The following ZNF469 variants were observed in gnomAD, a reference collection of about 807,000 sequenced individuals.
ZNF469 encodes zinc finger protein 469.
ZNF469 carries 1 observed loss-of-function variant against 1.0 expected under a neutral mutation model. The ratio of observed to expected loss-of-function variants is 1.00; its 90% CI spans 0.35 to 4.73. The LOEUF (loss-of-function observed/expected upper bound fraction) is 4.73. Among genes scored for constraint, ZNF469 ranks in the 30% most tolerant of loss-of-function variants. ZNF469 has a pLI of 0.16. For synonymous variants in ZNF469, 2,703 were observed against 2,363.4 expected (o/e 1.14, Z -4.17); for missense variants, 6,100 against 5,356.3 (o/e 1.14, Z -4.33).
chr16:88,294,456 C>G, the ZNF469 span, among the ~76,000 whole-genome samples: 2 of 152,234 alleles, frequency 1.3e-5, no homozygotes, highest in Admixed American at 1.3e-4. Flanking sequence ...TGTTCAAATC[C>G]ACATGGCACT....
the ZNF469 span, chr16:88,191,679 A>C: frequency 6.6e-6 from 1 of 151,300 alleles, no homozygotes. Context: ...TCCTTCCTTC[A>C]TTCATTCCTG....
chr16:88,387,528 G>T (rs1220944817), intron 1 of ZNF469, among the ~76,000 whole-genome samples: 1 of 152,240 alleles, frequency 6.6e-6, no homozygotes, highest in African/African-American at 2.4e-5. Context: ...ACAACGCTGG[G>T]GGCGGCTTGG....
At chr16:88,114,298 C>T in the ZNF469 span, among the ~76,000 whole-genome samples, 7 of 131,024 alleles carry the variant, frequency 5.3e-5, no homozygotes, top group East Asian at 2.2e-4. Flanking sequence ...TCACTCACTG[C>T]GGGGGTCTTC....
At chr16:88,193,506 C>T in the ZNF469 span, 1 of 152,142 alleles carries the variant, frequency 6.6e-6, no homozygotes, top group Admixed American at 6.5e-5. Context: ...CGAGATTAGC[C>T]TGGGCACTAC....
At chr16:88,239,108 G>A in the ZNF469 span, among the ~76,000 whole-genome samples, 1 of 152,178 alleles carries the variant, frequency 6.6e-6, no homozygotes, top group South Asian at 2.1e-4. Flanking sequence ...TGGAGTCTGG[G>A]TCTAGCTCTG....
the ZNF469 span, among the ~76,000 whole-genome samples, chr16:88,188,352 T>C: frequency 6.6e-6 from 1 of 152,158 alleles, no homozygotes; most frequent in African/African-American, 2.4e-5. Flanking sequence ...GCTGTCTCCT[T>C]AGTGTCTGTG....
the ZNF469 span, among the ~76,000 whole-genome samples, chr16:88,303,836 T>A: frequency 6.6e-6 from 1 of 152,202 alleles, no homozygotes; most frequent in East Asian, 1.9e-4. Context: ...CAGGAGGTTG[T>A]GCAGATTGAA....
At chr16:88,244,695 GGATA>G in the ZNF469 span, among the ~76,000 whole-genome samples, 1 of 118,290 alleles carries the variant, frequency 8.5e-6, no homozygotes, top group South Asian at 3.0e-4. Flanking sequence ...GTTTATGGAT[GGATA>G]GATGAATTGA....
At chr16:88,223,989 C>T in the ZNF469 span, among the ~76,000 whole-genome samples, 2 of 152,196 alleles carry the variant, frequency 1.3e-5, no homozygotes, top group East Asian at 1.9e-4. Context: ...ATTAGTTTTC[C>T]ATTCGCCCAG....
the ZNF469 span, among the ~76,000 whole-genome samples, chr16:88,187,763 T>C: frequency 6.7e-6 from 1 of 148,210 alleles, no homozygotes; most frequent in East Asian, 2.0e-4. Flanking sequence ...CCAGACAGAA[T>C]GCTGTATTAA....
At chr16:88,208,162 A>C in the ZNF469 span, among the ~76,000 whole-genome samples, 1 of 151,452 alleles carries the variant, frequency 6.6e-6, no homozygotes, top group East Asian at 2.0e-4. Context: ...TGATGCCCAC[A>C]TTGTCCCGGG....
chr16:88,358,724 A>AT, the ZNF469 span, among the ~76,000 whole-genome samples: 1 of 151,500 alleles, frequency 6.6e-6, no homozygotes, highest in South Asian at 2.1e-4. Flanking sequence ...TTTTTTTTTA[A>AT]TTTTTATTTT....
At chr16:88,384,374 C>T (rs2092532701) in intron 1 of ZNF469, among the ~76,000 whole-genome samples, 1 of 152,206 alleles carries the variant, frequency 6.6e-6, no homozygotes, top group Non-Finnish European at 1.5e-5. Context: ...CAGCACAGCC[C>T]ACAGCCCTGC....
At position 88,436,948 on chromosome 16, in the gene ZNF469, C is replaced by T. The variant is rs1454074090; in HGVS notation, c.9478C>T (p.Arg3160Trp). 10 of 1,494,108 alleles carry T rather than the reference C, an allele frequency of 6.7e-6. No individual in the cohort carries two copies. The East Asian group carries it at 9.9e-5, about 15-fold the overall frequency. The allele number at this position is 1,494,108 out of a possible 1,614,324, so 92.6% of individuals were successfully genotyped here. A position where few individuals can be genotyped will look rare whatever the true frequency, so the allele number is the denominator to read the frequency against. ...ERRFGSRELL[R>W]GHLQERHAQS... ...CAGGTTTGGCTCGCGGGAGCTGCTG[C>T]GGGGGCACCTGCAGGAGAGGCACGC... is the stretch of plus-strand genomic sequence containing the variant. Residue 3160 changes from arginine (R) to tryptophan (W), a missense_variant, in exon 3 of 3, where the codon CGG becomes TGG. By Grantham distance (101) the Arg-to-Trp change is moderately radical. Transcript: ENST00000565624.
chr16:88,340,205 T>G, the ZNF469 span, among the ~76,000 whole-genome samples: 34,091 of 151,900 alleles, frequency 0.22, 4,891 homozygotes, highest in African/African-American at 0.41. Flanking sequence ...CACGGCAGCT[T>G]AAGGAGTTCA....
At position 88,436,104 on chromosome 16, in the gene ZNF469, C is replaced by T. The variant is rs1490946099; in HGVS notation, c.8634C>T (p.Tyr2878=). The T allele has an allele frequency of 9.0e-6, 14 of 1,549,030 alleles. No homozygotes were observed. Among genetic ancestry groups the T allele is most frequent in the South Asian group, 1.2e-5 (1 of 84,066 alleles). The change falls in exon 3 of 3, where the codon TAC becomes TAT. Residue 2878 remains tyrosine, a synonymous_variant. Transcript: ENST00000565624. ...CTAGAAAGAGGAACCCGCATGTCTA[C>T]GGGAAGCGCTGTGAGAAGCCGGTGC... The part of the protein sequence containing the change: ...RLTRKRNPHV[Y]GKRCEKPVLP...
chr16:88,380,355 G>GCACTCACACAGACACGCC (rs2092518113), upstream of ZNF469, among the ~76,000 whole-genome samples: 6 of 61,540 alleles, frequency 9.7e-5, 2 homozygotes, highest in African/African-American at 2.8e-4. Context: ...ACACACATGC[G>GCACTCACACAGACACGCC]CTCACACACA....
At chr16:88,246,968 T>C in the ZNF469 span, among the ~76,000 whole-genome samples, 53,485 of 151,112 alleles carry the variant, frequency 0.35, 11,652 homozygotes, top group Non-Finnish European at 0.48. Flanking sequence ...AGTGAATAAG[T>C]GAGTGAATGA....
chr16:88,132,344 C>A, the ZNF469 span, among the ~76,000 whole-genome samples: 3 of 152,244 alleles, frequency 2.0e-5, no homozygotes, highest in Non-Finnish European at 4.4e-5. Flanking sequence ...CGGTGACTGG[C>A]TGCCCAGAAG....
Sources: gnomAD v4.1 joint callset for allele counts (sites outside exome capture counted in the v4.1 genomes callset) on GRCh38, gnomAD v4.1.1 for gene constraint, MANE v1.5 for transcripts, NCBI Gene and HGNC (gene_info 2026-07-23, HGNC 2026-07-21) for gene names.